Variants in PDLIM4 observed in about 807,000 individuals in gnomAD.
PDLIM4 encodes the protein PDZ and LIM domain 4, also known as PDZ and LIM domain protein 4.
PDLIM4 carries 19 observed loss-of-function variants against 31.3 expected under a neutral mutation model. That is an observed-to-expected ratio of 0.61 (90% CI 0.42 to 0.89). PDLIM4 has a LOEUF of 0.89. PDLIM4 is among the 40% of genes least tolerant of loss of function. PDLIM4 has a pLI of 0.00. For synonymous variants in PDLIM4, 176 were observed against 190.1 expected, an observed-to-expected ratio of 0.93 and a Z score of 0.61; for missense variants, 442 against 461.1, an observed-to-expected ratio of 0.96 and a Z score of 0.38.
intron 6 of PDLIM4, 49 bp from the exon 7 acceptor site, chr5:132,271,976 G>C: frequency 6.2e-7 from 1 of 1,600,380 alleles, no homozygotes; most frequent in African/African-American, 1.3e-5. Flanking sequence ...GGGCGCAGTC[G>C]TGAACCCATC....
intron 5 of PDLIM4, 146 bp from the exon 6 acceptor site, chr5:132,271,645 C>G (rs753372356): frequency 1.4e-5 from 13 of 922,540 alleles, no homozygotes; most frequent in Non-Finnish European, 2.3e-5. Flanking sequence ...TCTCCACCCC[C>G]TGTCGCTGCC....
intron 3 of PDLIM4, among the ~76,000 whole-genome samples, chr5:132,268,532 CTCT>C (rs1208557506): frequency 6.6e-6 from 1 of 152,200 alleles, no homozygotes; most frequent in Non-Finnish European, 1.5e-5. Context: ...TCTCTCAGGC[CTCT>C]TGTGGGAACA....
Position 132,269,767 on chromosome 5 carries a change from G to A in PDLIM4, c.328-1148G>A, listed in dbSNP as rs138537086. 2.0e-3 allele frequency among the ~76,000 whole-genome samples: 299 copies of A among 152,210 alleles called. 1 individual carries two copies. Among genetic ancestry groups the A allele is most frequent in the Non-Finnish European group, 3.0e-3 (201 of 68,008 alleles). Reference sequence around the variant, plus strand: ...ACTGTAGAGCAGAGGAGGTTTACACGTCACTCCCAGGCTGAGGCTAAGACC... The same window carrying A: ...ACTGTAGAGCAGAGGAGGTTTACACATCACTCCCAGGCTGAGGCTAAGACC... On this transcript the variant is annotated intron_variant, in intron 3 of 6. Transcript: ENST00000253754.
intron 3 of PDLIM4, among the ~76,000 whole-genome samples, chr5:132,268,499 G>T (rs1756538827): frequency 6.6e-6 from 1 of 152,240 alleles, no homozygotes; most frequent in African/African-American, 2.4e-5. Context: ...CACCTTCCCT[G>T]TGGGGCGATA....
chr5:132,268,390 C>T (rs1195650522), intron 3 of PDLIM4, among the ~76,000 whole-genome samples: 3 of 152,132 alleles, frequency 2.0e-5, no homozygotes, highest in Admixed American at 6.5e-5. Flanking sequence ...CTGGAGCCAT[C>T]GAGGAGGAGG....
Position 132,271,816 on chromosome 5 carries a change from C to G in PDLIM4, c.696C>G (p.Pro232=). 6.2e-7 allele frequency: 1 copy of G among 1,612,910 alleles called. No homozygotes were observed. The highest frequency in any genetic ancestry group is 2.2e-5 in the East Asian group (1 of 44,864). ...GGGATTGGCCCGGGCCTGGCGGCCCCCGGAACCTCAAGCCCACGGCCAGCA... is the reference window on the plus strand; with the variant it reads ...GGGATTGGCCCGGGCCTGGCGGCCCGCGGAACCTCAAGCCCACGGCCAGCA... ...EGGDWPGPGG[P]RNLKPTASKL... The change falls in exon 6 of 7, where the codon CCC becomes CCG. Residue 232 remains proline (P), a synonymous_variant. Coordinates refer to ENST00000253754, the MANE Select transcript of PDLIM4 (RefSeq NM_003687.4).
Position 132,272,030 on chromosome 5 carries a change from C to T in PDLIM4, c.794C>T (p.Thr265Ile). The T allele has an allele frequency of 6.2e-7, 1 of 1,614,120 alleles. No homozygotes were observed. The highest frequency in any genetic ancestry group is 1.1e-5 in the South Asian group (1 of 91,084). Residue 265 changes from threonine to isoleucine, a missense_variant, in exon 7 of 7, where the codon ACC (threonine) becomes ATC (isoleucine). Physicochemically the swap from Thr to Ile is moderately conservative, Grantham distance 89. Transcript: ENST00000253754. ...TGTCTCGTTCCCCCCATCAGGGGCACCATCGTCAAGGCACGGGACAAGCTC... is the reference window on the plus strand; with the variant it reads ...TGTCTCGTTCCCCCCATCAGGGGCATCATCGTCAAGGCACGGGACAAGCTC... ...CTRCGHGIVG[T>I]IVKARDKLYH...
intron 2 of PDLIM4, among the ~76,000 whole-genome samples, 200 bp downstream of exon 2, chr5:132,262,960 A>C (rs1756409535): frequency 6.6e-6 from 1 of 152,218 alleles, no homozygotes; most frequent in Non-Finnish European, 1.5e-5. Context: ...AGAAGGGAAG[A>C]AATCCCCTTT....
chr5:132,272,485 G>A lies in PDLIM4; in HGVS notation c.*256G>A. ...CCCTGAAGGGGGCCACAGCCTGGGTGGAAGGCAGACCTGAATCACAACGGG... is the reference window on the plus strand; with the variant it reads ...CCCTGAAGGGGGCCACAGCCTGGGTAGAAGGCAGACCTGAATCACAACGGG... On this transcript the variant is annotated 3_prime_UTR_variant, in exon 7 of 7. Transcript: ENST00000253754. 1 of 545,092 alleles carries A rather than the reference G, an allele frequency of 1.8e-6. No individual in the cohort carries two copies. Among genetic ancestry groups the A allele is most frequent in the Non-Finnish European group, 3.3e-6 (1 of 300,666 alleles). 33.8% of individuals were successfully genotyped at this position (545,092 alleles called of 1,614,324 possible). A position where few individuals can be genotyped will look rare whatever the true frequency, so the allele number is the denominator to read the frequency against.
chr5:132,263,209 G>A (rs189066444), intron 2 of PDLIM4, among the ~76,000 whole-genome samples: 25 of 152,288 alleles, frequency 1.6e-4, no homozygotes, highest in Middle Eastern at 3.4e-3. Flanking sequence ...GCTCAGAAAG[G>A]TTAGATGGTG....
In PDLIM4 at chr5:132,257,933, G is replaced by T; in HGVS notation, c.93+106G>T. 1 of 635,672 alleles carries T rather than the reference G, an allele frequency of 1.6e-6. No individual in the cohort carries two copies. The allele number at this position is 635,672 out of a possible 1,614,324, so 39.4% of individuals were successfully genotyped here. ...CCTGTGTATCCGAGGCTTGAAGGCG[G>T]AGGGTTGGCCTGGGCGCCCCGCATG... On this transcript the variant is annotated intron_variant, in intron 1 of 6. Coordinates refer to ENST00000253754, the MANE Select transcript of PDLIM4 (RefSeq NM_003687.4). This position sits in a 1 kb window ranked among gnomAD's most constrained non-coding sequence, Gnocchi z 4.3.
intron 3 of PDLIM4, among the ~76,000 whole-genome samples, chr5:132,267,401 C>T (rs903810420): frequency 6.6e-6 from 1 of 152,352 alleles, no homozygotes; most frequent in East Asian, 1.9e-4. Context: ...CCATCTTGCT[C>T]TATTCCCTAC....
chr5:132,268,124 T>G (rs1756531424), intron 3 of PDLIM4, among the ~76,000 whole-genome samples: 1 of 152,140 alleles, frequency 6.6e-6, no homozygotes, highest in Non-Finnish European at 1.5e-5. Flanking sequence ...CTTGTTCTCA[T>G]TGACTCCCTT....
chr5:132,271,817 C>T lies in PDLIM4; in HGVS notation c.697C>T (p.Arg233Trp). 3 of 1,612,734 alleles carry T rather than the reference C, an allele frequency of 1.9e-6. No homozygotes were observed. Among genetic ancestry groups the T allele is most frequent in the South Asian group, 2.2e-5 (2 of 91,076 alleles). The change falls in exon 6 of 7, where the codon CGG becomes TGG. Residue 233 changes from arginine (R) to tryptophan (W), a missense_variant. Arg to Trp is a moderately radical substitution (Grantham distance 101). Transcript: ENST00000253754. The stretch of plus-strand genomic sequence containing the variant: ...GGATTGGCCCGGGCCTGGCGGCCCC[C>T]GGAACCTCAAGCCCACGGCCAGCAA... ...GGDWPGPGGP[R>W]NLKPTASKLG...
chr5:132,262,543 T>G (rs533523184), intron 1 of PDLIM4, 66 bp from the exon 2 acceptor site: 1 of 1,443,256 alleles, frequency 6.9e-7, no homozygotes, highest in African/African-American at 1.4e-5. Context: ...GGAGGAGGCC[T>G]AGGGCACAGC....
In PDLIM4 at chr5:132,272,321, C is replaced by G; in HGVS notation, c.*92C>G. On this transcript the variant is annotated 3_prime_UTR_variant, in exon 7 of 7. Coordinates refer to ENST00000253754, the MANE Select transcript of PDLIM4 (RefSeq NM_003687.4). ...CTGTCCCTCTAATAAAGCTCCTCTG[C>G]TCCACCTTGAACCTGTCACCTGGCC... The G allele has an allele frequency of 9.2e-7, 1 of 1,086,988 alleles. No individual in the cohort carries two copies. Among genetic ancestry groups the G allele is most frequent in the East Asian group, 2.5e-5 (1 of 39,394 alleles). The allele number at this position is 1,086,988 out of a possible 1,614,324, so 67.3% of individuals were successfully genotyped here.
rs780562316 is a variant in PDLIM4, at chr5:132,271,808, G to C, written c.688G>C (p.Gly230Arg). Reference sequence around the variant, plus strand: ...GGTTTCAGGGGATTGGCCCGGGCCTGGCGGCCCCCGGAACCTCAAGCCCAC... The same window carrying C: ...GGTTTCAGGGGATTGGCCCGGGCCTCGCGGCCCCCGGAACCTCAAGCCCAC... The part of the protein sequence containing the change: ...AGEGGDWPGP[G>R]GPRNLKPTAS... Residue 230 changes from glycine to arginine, a missense_variant, in exon 6 of 7, where the codon GGC becomes CGC. Gly to Arg is a moderately radical substitution (Grantham distance 125, BLOSUM62 -2). Transcript: ENST00000253754. The C allele has an allele frequency of 5.6e-6, 9 of 1,611,020 alleles. No individual in the cohort carries two copies. The highest frequency in any genetic ancestry group is 7.6e-6 in the Non-Finnish European group (9 of 1,177,780).
rs759714168 is a variant in PDLIM4 at position 132,262,628 on chromosome 5, C to G, written c.113C>G (p.Ala38Gly). 1 of 1,609,314 alleles carries G rather than the reference C, an allele frequency of 6.2e-7. No homozygotes were observed. The highest frequency in any genetic ancestry group is 8.5e-7 in the Non-Finnish European group (1 of 1,177,816). The change falls in exon 2 of 7, where the codon GCT becomes GGT. Residue 38 changes from alanine to glycine, a missense_variant. Physicochemically the swap from Ala to Gly is moderately conservative, Grantham distance 60. Coordinates refer to ENST00000253754, the MANE Select transcript of PDLIM4 (RefSeq NM_003687.4). ...TCGCAGGTCCATGCTGGCAGCAAGGCTGCATTGGCTGCCCTGTGCCCAGGA... is the reference window on the plus strand; with the variant it reads ...TCGCAGGTCCATGCTGGCAGCAAGGGTGCATTGGCTGCCCTGTGCCCAGGA... Reference protein sequence around the residue: ...TISRVHAGSKAALAALCPGDL... With the variant: ...TISRVHAGSKGALAALCPGDL...
At chr5:132,264,836 G>T (rs1055454233) in intron 2 of PDLIM4, among the ~76,000 whole-genome samples, 4 of 150,432 alleles carry the variant, frequency 2.7e-5, no homozygotes, top group Non-Finnish European at 5.9e-5. Flanking sequence ...GCTACCCTGT[G>T]CTCTCACTCC....
Sources: gnomAD v4.1 joint callset for allele counts (sites outside exome capture counted in the v4.1 genomes callset) on GRCh38, gnomAD v4.1.1 for gene constraint, Gnocchi (gnomAD v3.1) non-coding constraint, MANE v1.5 for transcripts, NCBI Gene and HGNC (gene_info 2026-07-23, HGNC 2026-07-21) for gene names.